Variants in PAPOLG observed in about 807,000 individuals in gnomAD.
PAPOLG encodes PAP-gamma.
PAPOLG carries 40 observed loss-of-function variants against 99.0 expected under a neutral mutation model. That is an observed-to-expected ratio of 0.40 (90% CI 0.31 to 0.53). The LOEUF is 0.53. Among genes scored for constraint, PAPOLG ranks in the 20% least tolerant of loss-of-function variants. The probability of loss-of-function intolerance (pLI) is 0.41; values close to 1 mark genes in which losing one functional copy is unlikely to be tolerated. For synonymous variants in PAPOLG, 310 were observed against 299.3 expected (o/e 1.04, Z -0.37); for missense variants, 675 against 884.1 (o/e 0.76, Z 3.00).
chr2:60,783,702 T>TG lies in PAPOLG; in HGVS notation c.1166+497dup, dbSNP rs368588719. 9.1e-4 allele frequency among the ~76,000 whole-genome samples: 137 copies of TG among 151,218 alleles called. 2 individuals are homozygous for TG. Among genetic ancestry groups the TG allele is most frequent in the African/African-American group, 3.2e-3 (131 of 41,266 alleles). ...CTAATTTTTGTATTTTTAGTAGAGA[T>TG]GGGGTTTTACCATGTTGGCCAGGCT... is the stretch of plus-strand genomic sequence containing the variant. On this transcript the variant is annotated intron_variant, in intron 13 of 21. Coordinates refer to ENST00000238714, the MANE Select transcript of PAPOLG (RefSeq NM_022894.4).
At chr2:60,781,752 GA>G in intron 10 of PAPOLG, 132 bp from the exon 11 acceptor site, 1 of 1,233,238 alleles carries the variant, frequency 8.1e-7, no homozygotes. Flanking sequence ...GTTGGGGAGG[GA>G]AAATGTACTT....
intron 3 of PAPOLG, 122 bp from the exon 4 acceptor site, chr2:60,768,348 G>T (rs376059901): frequency 2.2e-6 from 2 of 893,066 alleles, no homozygotes; most frequent in Non-Finnish European, 1.7e-6. Context: ...GTGATCCACC[G>T]GCCTTGGCCT....
At chr2:60,793,297 C>T (rs539277296) in intron 17 of PAPOLG, among the ~76,000 whole-genome samples, 36 of 149,188 alleles carry the variant, frequency 2.4e-4, no homozygotes, top group Middle Eastern at 3.5e-3. Context: ...TGGGTCACAT[C>T]TATAATTTCA....
rs371211683 is a variant in PAPOLG, at chr2:60,797,015, A to G, written c.2113-47A>G. 3.7e-4 allele frequency: 591 copies of G among 1,610,326 alleles called. 4 individuals are homozygous for G. Among genetic ancestry groups the G allele is most frequent in the Middle Eastern group, 9.9e-4 (6 of 6,052 alleles). On this transcript the variant is annotated intron_variant, in intron 21 of 21. Transcript: ENST00000238714. ...GACTTTCTAGCTGGGCCTTTATAAT[A>G]TATATGATGTGCTTTTCCTTTTTTG... is the stretch of plus-strand genomic sequence containing the variant.
chr2:60,770,634 T>A (rs1324943408), intron 6 of PAPOLG, 123 bp downstream of exon 6: 14 of 608,058 alleles, frequency 2.3e-5, no homozygotes, highest in African/African-American at 5.7e-5. Flanking sequence ...TTTTTTTTTT[T>A]TAATGAAGAG....
At chr2:60,773,968 A>G (rs1244074514) in intron 7 of PAPOLG, among the ~76,000 whole-genome samples, 1 of 152,254 alleles carries the variant, frequency 6.6e-6, no homozygotes, top group East Asian at 1.9e-4. Flanking sequence ...TGAAAAAAGC[A>G]GGTAGTTGAG....
In PAPOLG at chr2:60,791,787, A is replaced by G; in HGVS notation, c.1423A>G (p.Met475Val). ...TVYRQANNINMLKEGMKIEAT... is the reference protein window; with the variant it reads ...TVYRQANNINVLKEGMKIEAT... ...GTACAGACAGGCAAACAATATAAAT[A>G]TGCTAAAGGAGGGAATGAAAATTGA... Residue 475 changes from methionine to valine, a missense_variant, in exon 16 of 22, where the codon ATG (methionine) becomes GTG (valine). Physicochemically the swap from Met to Val is conservative, Grantham distance 21. Around this residue, in one of 3 missense-constraint regions of PAPOLG, gnomAD observed 413 missense variants for 460.5 expected, o/e 0.90. Transcript: ENST00000238714. 6.2e-7 allele frequency: 1 copy of G among 1,613,070 alleles called. No homozygotes were observed. The highest frequency in any genetic ancestry group is 2.2e-5 in the East Asian group (1 of 44,856).
intron 3 of PAPOLG, among the ~76,000 whole-genome samples, chr2:60,762,954 T>A (rs1670565257): frequency 1.3e-5 from 2 of 151,720 alleles, no homozygotes; most frequent in African/African-American, 4.8e-5. Flanking sequence ...TTTATTTTAT[T>A]TTTTTTTGGA....
At chr2:60,773,727 G>A (rs893932671) in intron 7 of PAPOLG, among the ~76,000 whole-genome samples, 1 of 150,416 alleles carries the variant, frequency 6.6e-6, no homozygotes, top group Non-Finnish European at 1.5e-5. Context: ...GCAGTCATTA[G>A]TGACCAGTCT....
rs947129221 is a variant in PAPOLG, at chr2:60,780,654, T to C, written c.834-53T>C. 4.6e-6 allele frequency: 7 copies of C among 1,510,824 alleles called. No individual in the cohort carries two copies. The African/African-American group carries it at 8.3e-5, about 18-fold the overall frequency. 93.6% of individuals were successfully genotyped at this position (1,510,824 alleles called of 1,614,324 possible). ...ACAATCTAATAATTATAAAGTTTCA[T>C]GTAGTACCTGAAGTGAGATCATGTG... is the stretch of plus-strand genomic sequence containing the variant. On this transcript the variant is annotated intron_variant, in intron 9 of 21. Coordinates refer to ENST00000238714, the MANE Select transcript of PAPOLG (RefSeq NM_022894.4).
chr2:60,783,322 C>CTG, intron 13 of PAPOLG, 113 bp downstream of exon 13: 1 of 265,036 alleles, frequency 3.8e-6, no homozygotes. Context: ...ATTATTATAT[C>CTG]TCTTTTTTTT....
At chr2:60,783,794 G>T (rs1386552120) in intron 13 of PAPOLG, among the ~76,000 whole-genome samples, 1 of 151,978 alleles carries the variant, frequency 6.6e-6, no homozygotes, top group Non-Finnish European at 1.5e-5. Context: ...TGTTGTGCAT[G>T]ACCATGGAGC....
Position 60,797,189 on chromosome 2 carries a change from A to AGCCC in PAPOLG, c.*31_*32insCCGC, listed in dbSNP as rs531727329. The AGCCC allele has an allele frequency of 9.4e-5, 151 of 1,611,808 alleles. No homozygotes were observed. Among genetic ancestry groups the AGCCC allele is most frequent in the Non-Finnish European group, 1.2e-4 (142 of 1,178,256 alleles). ...CAGTGCCTCCTCACTTAAGTGAACA[A>AGCCC]GCAATCATTTAGTGGCATAGATGCA... On this transcript the variant is annotated 3_prime_UTR_variant, in exon 22 of 22. Coordinates refer to ENST00000238714, the MANE Select transcript of PAPOLG (RefSeq NM_022894.4).
At position 60,786,830 on chromosome 2, in the gene PAPOLG, C is replaced by T. The variant is rs553093453; in HGVS notation, c.1167-117C>T. On this transcript the variant is annotated intron_variant, in intron 13 of 21. Transcript: ENST00000238714. Reference sequence around the variant, plus strand: ...CAGATGTGAGCCACCATGCCCAGCCCGAAGTTTTTTAATGAACATGTAAAG... The same window carrying T: ...CAGATGTGAGCCACCATGCCCAGCCTGAAGTTTTTTAATGAACATGTAAAG... 5.8e-4 allele frequency: 744 copies of T among 1,289,174 alleles called. 1 individual carries two copies. The highest frequency in any genetic ancestry group is 7.3e-4 in the Non-Finnish European group (692 of 953,714). 79.9% of individuals were successfully genotyped at this position (1,289,174 alleles called of 1,614,324 possible).
In PAPOLG at chr2:60,797,526, G is replaced by GTTTTTTTTTTTTTTT. The variant is rs766458681; in HGVS notation, c.*371_*372insTTTTTTTTTTTTTTT. On this transcript the variant is annotated 3_prime_UTR_variant, in exon 22 of 22. Transcript: ENST00000238714. ...ACTCCTTTTTTGTTTTGTTTTTTGTGTTTTTCTTTTTTTGTCTTATGTTGT... is the reference window on the plus strand; with the variant it reads ...ACTCCTTTTTTGTTTTGTTTTTTGTGTTTTTTTTTTTTTTTTTTTTCTTTTTTTGTCTTATGTTGT... The GTTTTTTTTTTTTTTT allele has an allele frequency of 5.9e-6, 1 of 169,664 alleles. No individual in the cohort carries two copies. Among genetic ancestry groups the GTTTTTTTTTTTTTTT allele is most frequent in the Non-Finnish European group, 1.2e-5 (1 of 80,360 alleles). The allele number at this position is 169,664 out of a possible 1,614,324, so 10.5% of individuals were successfully genotyped here. A position where few individuals can be genotyped will look rare whatever the true frequency, so the allele number is the denominator to read the frequency against.
At chr2:60,759,104 C>T (rs1379228965) in intron 1 of PAPOLG, among the ~76,000 whole-genome samples, 1 of 152,014 alleles carries the variant, frequency 6.6e-6, no homozygotes, top group South Asian at 2.1e-4. Flanking sequence ...CGCGGGGGCT[C>T]ACGCCTGTGA....
chr2:60,795,342 T>G, intron 21 of PAPOLG: 1 of 501,728 alleles, frequency 2.0e-6, no homozygotes, highest in Non-Finnish European at 3.9e-6. Flanking sequence ...TGGAGGTATA[T>G]CTCTGTTGTG....
chr2:60,773,637 A>G (rs951144733), intron 7 of PAPOLG, among the ~76,000 whole-genome samples: 2 of 152,148 alleles, frequency 1.3e-5, no homozygotes, highest in Admixed American at 1.3e-4. Context: ...GTCATTTGGA[A>G]AATATTGGTT....
chr2:60,790,209 C>T (rs1435191509), intron 15 of PAPOLG, among the ~76,000 whole-genome samples: 2 of 152,204 alleles, frequency 1.3e-5, no homozygotes, highest in South Asian at 2.1e-4. Flanking sequence ...GTAACTCTTT[C>T]ATAATCAATC....
Sources: allele counts gnomAD v4.1 joint callset (sites outside exome capture counted in the v4.1 genomes callset), GRCh38; gene constraint gnomAD v4.1.1; regional missense constraint gnomAD v4.1.1; transcripts MANE v1.5; gene names NCBI Gene and HGNC (gene_info 2026-07-23, HGNC 2026-07-21).